Variants in ARHGAP20 observed in about 807,000 individuals in gnomAD.
ARHGAP20 encodes the protein rho GTPase-activating protein 20.
Under a neutral mutation model 73.7 loss-of-function variants are expected in ARHGAP20, and 34 were observed. That is an observed-to-expected ratio of 0.46 (90% confidence interval 0.35 to 0.61). The LOEUF (loss-of-function observed/expected upper bound fraction) is 0.61. Among genes scored for constraint, ARHGAP20 ranks in the 20% least tolerant of loss-of-function variants. The pLI is 0.00. For synonymous variants in ARHGAP20, 523 were observed against 518.2 expected, an observed-to-expected ratio of 1.01 and a Z score of -0.13; for missense variants, 1,314 against 1,420.9, an observed-to-expected ratio of 0.92 and a Z score of 1.21.
At chr11:110,684,434 C>T (rs557140940) in intron 2 of ARHGAP20, among the ~76,000 whole-genome samples, 6 of 152,228 alleles carry the variant, frequency 3.9e-5, no homozygotes, top group Admixed American at 2.6e-4. Context: ...TACTAACATA[C>T]TTTAATTTCT....
chr11:110,598,172 CT>C (rs35064891), intron 9 of ARHGAP20, among the ~76,000 whole-genome samples: 138 of 145,322 alleles, frequency 9.5e-4, no homozygotes, highest in Admixed American at 1.4e-3. Flanking sequence ...ATATCCCCAC[CT>C]TTTTTTTTTT....
At chr11:110,588,072 C>G (rs894407116) in intron 11 of ARHGAP20, among the ~76,000 whole-genome samples, 1 of 151,522 alleles carries the variant, frequency 6.6e-6, no homozygotes, top group Non-Finnish European at 1.5e-5. Flanking sequence ...AGAAAAACAT[C>G]ATTAACATCT....
chr11:110,661,296 A>T (rs924793930), intron 2 of ARHGAP20, among the ~76,000 whole-genome samples: 1 of 152,170 alleles, frequency 6.6e-6, no homozygotes, highest in Non-Finnish European at 1.5e-5. Context: ...TTTATCTGAA[A>T]CATAGAGGGG....
intron 2 of ARHGAP20, among the ~76,000 whole-genome samples, chr11:110,647,843 T>C (rs547721281): frequency 3.9e-4 from 59 of 152,104 alleles, no homozygotes; most frequent in African/African-American, 1.4e-3. Flanking sequence ...TTCTCTCATA[T>C]GTTACAGAAA....
intron 9 of ARHGAP20, among the ~76,000 whole-genome samples, chr11:110,603,938 A>T (rs1347700814): frequency 6.6e-6 from 1 of 152,180 alleles, no homozygotes; most frequent in East Asian, 1.9e-4. Flanking sequence ...TAGATCACTA[A>T]CTTTAAATTC....
chr11:110,705,110 T>G lies in ARHGAP20; in HGVS notation c.105+7017A>C, dbSNP rs576495187. 2.0e-5 allele frequency among the ~76,000 whole-genome samples: 3 copies of G among 152,154 alleles called. No homozygotes were observed. The South Asian group carries it at 6.2e-4, about 31-fold the overall frequency. On this transcript the variant is annotated intron_variant, in intron 1 of 14. Transcript: ENST00000683387. ...CCTTCTAGGAAGGCAAGTTTTACAA[T>G]TACATATTTTTGTTAAGTTGTATGT...
At chr11:110,599,517 G>A (rs915456214) in intron 9 of ARHGAP20, among the ~76,000 whole-genome samples, 1 of 152,222 alleles carries the variant, frequency 6.6e-6, no homozygotes, top group African/African-American at 2.4e-5. Context: ...AGCAGCAGGA[G>A]GCAGAAAGGT....
upstream of ARHGAP20, chr11:110,712,457 C>G: frequency 5.5e-6 from 1 of 183,434 alleles, no homozygotes; most frequent in East Asian, 1.4e-4. Context: ...AGCCCGTCAG[C>G]GCCGCGGCCC....
At chr11:110,691,339 A>G (rs954460856) in intron 1 of ARHGAP20, among the ~76,000 whole-genome samples, 1 of 152,168 alleles carries the variant, frequency 6.6e-6, no homozygotes, top group African/African-American at 2.4e-5. Context: ...TACAGCCACT[A>G]GAAGCAGATG....
chr11:110,690,830 T>C (rs1252662489), intron 1 of ARHGAP20: 1 of 881,900 alleles, frequency 1.1e-6, no homozygotes, highest in Non-Finnish European at 1.7e-6. Context: ...TGTCAAAAAG[T>C]GGTAAAAGCA....
chr11:110,670,687 C>T (rs1017223136), intron 2 of ARHGAP20, among the ~76,000 whole-genome samples: 4 of 152,154 alleles, frequency 2.6e-5, no homozygotes, highest in East Asian at 3.9e-4. Flanking sequence ...AAGGAAGTGA[C>T]AGTTCCCAAC....
chr11:110,667,155 C>T (rs1329372465), intron 2 of ARHGAP20, among the ~76,000 whole-genome samples: 1 of 152,144 alleles, frequency 6.6e-6, no homozygotes, highest in Non-Finnish European at 1.5e-5. Context: ...ACTAAACAAC[C>T]AAATTTTAAT....
intron 11 of ARHGAP20, among the ~76,000 whole-genome samples, chr11:110,588,049 T>C (rs1947716910): frequency 6.6e-6 from 1 of 152,226 alleles, no homozygotes; most frequent in Non-Finnish European, 1.5e-5. Context: ...AACATACTTA[T>C]GATCTGTCTT....
intron 1 of ARHGAP20, among the ~76,000 whole-genome samples, chr11:110,698,421 G>A (rs1413777665): frequency 2.0e-5 from 3 of 151,800 alleles, no homozygotes; most frequent in African/African-American, 7.2e-5. Context: ...GTATCAGGGA[G>A]ATACTGGTTT....
intron 2 of ARHGAP20, among the ~76,000 whole-genome samples, chr11:110,654,269 T>G (rs1949419271): frequency 6.6e-6 from 1 of 152,144 alleles, no homozygotes; most frequent in African/African-American, 2.4e-5. Flanking sequence ...CAAACTGAAC[T>G]GAAGGAAATC....
intron 4 of ARHGAP20, among the ~76,000 whole-genome samples, chr11:110,621,071 T>C (rs113755147): frequency 0.018 from 1,034 of 56,818 alleles, 19 homozygotes; most frequent in African/African-American, 0.067. Context: ...TAAAACTCCA[T>C]CTCAAAAAAA....
At chr11:110,597,193 G>A (rs1376862289) in intron 9 of ARHGAP20, among the ~76,000 whole-genome samples, 4 of 151,282 alleles carry the variant, frequency 2.6e-5, no homozygotes, top group Non-Finnish European at 5.9e-5. Flanking sequence ...AATGCTAAAT[G>A]ACGAGTTGAT....
Position 110,627,720 on chromosome 11 carries a change from G to A in ARHGAP20, c.353+2908C>T, listed in dbSNP as rs138268876. ...ATGATAATAGTGATGGCTTACGAGG[G>A]TGTGAGGTAAATACAGTCATTTCTC... On this transcript the variant is annotated intron_variant, in intron 3 of 14. Transcript: ENST00000683387. Among the ~76,000 whole-genome samples, 39 of 152,254 alleles carry A rather than the reference G, an allele frequency of 2.6e-4. No individual in the cohort carries two copies. In the East Asian group the frequency reaches 5.4e-3, roughly 21 times the overall value.
chr11:110,694,558 C>T (rs1950301587), intron 1 of ARHGAP20, among the ~76,000 whole-genome samples: 1 of 151,714 alleles, frequency 6.6e-6, no homozygotes, highest in African/African-American at 2.4e-5. Flanking sequence ...AGCAACACTA[C>T]CAACTAATCT....
Sources: allele counts gnomAD v4.1 joint callset (sites outside exome capture counted in the v4.1 genomes callset), GRCh38; gene constraint gnomAD v4.1.1; transcripts MANE v1.5; gene names NCBI Gene and HGNC (gene_info 2026-07-23, HGNC 2026-07-21).